The following INPP4B variants were observed in gnomAD, a reference collection of about 807,000 sequenced individuals.
The protein encoded by INPP4B is inositol polyphosphate 4-phosphatase type II.
INPP4B carries 55 observed loss-of-function variants against 122.5 expected under a neutral mutation model. The ratio of observed to expected loss-of-function variants is 0.45; its 90% CI spans 0.36 to 0.56. The LOEUF is 0.56. Ranked by LOEUF, INPP4B falls within the 20% of genes least tolerant of loss-of-function variation. INPP4B has a pLI of 0.00. For missense variants in INPP4B, 1,000 were observed against 1,097.7 expected (o/e 0.91, Z 1.26); for synonymous variants, 403 against 388.7 (o/e 1.04, Z -0.43).
chr4:142,593,482 G>T, intron 2 of INPP4B, among the ~76,000 whole-genome samples: 1 of 151,816 alleles, frequency 6.6e-6, no homozygotes, highest in East Asian at 1.9e-4. Flanking sequence ...TGACTCTCTG[G>T]CCAATATCTT....
intron 7 of INPP4B, among the ~76,000 whole-genome samples, chr4:142,373,986 G>A (rs1790887332): frequency 6.6e-6 from 1 of 151,876 alleles, no homozygotes; most frequent in South Asian, 2.1e-4. Flanking sequence ...AGAAGCTTAA[G>A]GAGTCAGTAA....
chr4:142,437,066 A>G lies in INPP4B; in HGVS notation c.-126-5681T>C, dbSNP rs968776686. Among the ~76,000 whole-genome samples, 4 of 152,086 alleles carry G rather than the reference A, an allele frequency of 2.6e-5. No individual in the cohort carries two copies. The South Asian group carries it at 8.3e-4, about 31-fold the overall frequency. ...TAGAATAAACAGTTTAAAGAGGAAC[A>G]TAAATGACCTGGAGCTGAAAAACAC... On this transcript the variant is annotated intron_variant, in intron 3 of 25. Coordinates refer to ENST00000262992, the MANE Select transcript of INPP4B (RefSeq NM_001101669.3).
intron 15 of INPP4B, among the ~76,000 whole-genome samples, chr4:142,191,179 A>G (rs568940143): frequency 1.3e-5 from 2 of 152,182 alleles, no homozygotes; most frequent in African/African-American, 2.4e-5. Context: ...TAAAGGAGGT[A>G]TATTGGTTAG....
intron 2 of INPP4B, among the ~76,000 whole-genome samples, chr4:142,663,061 T>C (rs544336495): frequency 2.6e-5 from 4 of 152,164 alleles, no homozygotes; most frequent in Admixed American, 1.3e-4. Context: ...ATTATCAGAA[T>C]AAAGGAAAAA....
At chr4:142,254,766 G>T (rs1388315076) in intron 11 of INPP4B, among the ~76,000 whole-genome samples, 52 of 152,044 alleles carry the variant, frequency 3.4e-4, no homozygotes, top group Non-Finnish European at 6.0e-4. Flanking sequence ...TGGAACCAAG[G>T]TGGAAAACAC....
chr4:142,468,369 G>A (rs1438509214), intron 2 of INPP4B, among the ~76,000 whole-genome samples: 1 of 152,150 alleles, frequency 6.6e-6, no homozygotes, highest in Non-Finnish European at 1.5e-5. Context: ...CAGAAGCTGA[G>A]TGAGATACAA....
At chr4:142,780,092 A>G (rs550579098) in intron 1 of INPP4B, among the ~76,000 whole-genome samples, 39 of 152,342 alleles carry the variant, frequency 2.6e-4, no homozygotes, top group Middle Eastern at 3.4e-3. Flanking sequence ...AAGAAAGAAT[A>G]GAGCAACTTC....
chr4:142,425,617 T>C (rs763906475), intron 5 of INPP4B, among the ~76,000 whole-genome samples: 1 of 151,910 alleles, frequency 6.6e-6, no homozygotes, highest in Non-Finnish European at 1.5e-5. Flanking sequence ...ATATGAACAA[T>C]ATCCAAATTA....
At chr4:142,267,878 G>A (rs939241295) in intron 10 of INPP4B, among the ~76,000 whole-genome samples, 1 of 151,844 alleles carries the variant, frequency 6.6e-6, no homozygotes, top group African/African-American at 2.4e-5. Flanking sequence ...AATAAAAAAT[G>A]GACAAAGGAC....
In INPP4B at chr4:142,692,492, G is replaced by C. The variant is rs566176042; in HGVS notation, c.-191+33347C>G. On this transcript the variant is annotated intron_variant, in intron 2 of 25. Transcript: ENST00000262992. ...TAGACGGGAGGATCGCTTGAGCCCA[G>C]GAGTTCCAGATTAGCCTGGGCAACA... is the stretch of plus-strand genomic sequence containing the variant. Among the ~76,000 whole-genome samples the C allele has an allele frequency of 1.4e-4, 21 of 152,278 alleles. No individual in the cohort carries two copies. The East Asian group carries it at 4.1e-3, about 29-fold the overall frequency.
chr4:142,657,821 T>C (rs1005417238), intron 2 of INPP4B, among the ~76,000 whole-genome samples: 1 of 152,214 alleles, frequency 6.6e-6, no homozygotes, highest in East Asian at 1.9e-4. Context: ...TATTTCATAA[T>C]ATCAAGTGTT....
At chr4:142,186,597 ATAGAT>A (rs1397708595) in intron 15 of INPP4B, among the ~76,000 whole-genome samples, 2 of 152,248 alleles carry the variant, frequency 1.3e-5, no homozygotes, top group Non-Finnish European at 1.5e-5. Context: ...TTGCTGCAAA[ATAGAT>A]TAAACTGCTC....
intron 2 of INPP4B, among the ~76,000 whole-genome samples, chr4:142,505,858 A>T (rs1823956691): frequency 6.6e-6 from 1 of 152,082 alleles, no homozygotes; most frequent in Non-Finnish European, 1.5e-5. Context: ...AATTTCAACA[A>T]TTCTCCTATA....
At chr4:142,675,574 T>A (rs1757641556) in intron 2 of INPP4B, among the ~76,000 whole-genome samples, 1 of 152,288 alleles carries the variant, frequency 6.6e-6, no homozygotes, top group East Asian at 1.9e-4. Flanking sequence ...ATATCCCTGA[T>A]GAACATCAAT....
intron 2 of INPP4B, among the ~76,000 whole-genome samples, chr4:142,693,039 A>C (rs1760457038): frequency 6.6e-6 from 1 of 151,906 alleles, no homozygotes; most frequent in African/African-American, 2.4e-5. Context: ...TAACAGAAAA[A>C]GGTGCCACAT....
chr4:142,381,027 C>G, intron 7 of INPP4B, among the ~76,000 whole-genome samples: 1 of 152,120 alleles, frequency 6.6e-6, no homozygotes, highest in East Asian at 1.9e-4. Context: ...AGCCTTCATT[C>G]TTTCTAATTT....
At chr4:142,706,668 C>T (rs1762509315) in intron 2 of INPP4B, among the ~76,000 whole-genome samples, 1 of 152,204 alleles carries the variant, frequency 6.6e-6, no homozygotes, top group Non-Finnish European at 1.5e-5. Context: ...AAATAAATCC[C>T]ATTGGCTGAA....
chr4:142,792,473 C>T (rs1205132156), intron 1 of INPP4B, among the ~76,000 whole-genome samples: 2 of 151,952 alleles, frequency 1.3e-5, no homozygotes, highest in Non-Finnish European at 2.9e-5. Context: ...TCTTTGAATG[C>T]TTTTAGGTGC....
chr4:142,275,714 A>T (rs2150674854), intron 9 of INPP4B, among the ~76,000 whole-genome samples: 1 of 151,966 alleles, frequency 6.6e-6, no homozygotes, highest in African/African-American at 2.4e-5. Context: ...ATGCTTTCAA[A>T]TTAATAGTAA....
Sources: gnomAD v4.1 joint callset for allele counts (sites outside exome capture counted in the v4.1 genomes callset) on GRCh38, gnomAD v4.1.1 for gene constraint, MANE v1.5 for transcripts, NCBI Gene and HGNC (gene_info 2026-07-23, HGNC 2026-07-21) for gene names.